LRP1B: variants seen among roughly 807,000 people sequenced by gnomAD.
LRP1B encodes low-density lipoprotein receptor-related protein 1B.
Under a neutral mutation model 556.6 loss-of-function variants are expected in LRP1B, and 217 were observed. The observed-to-expected ratio is 0.39, with a 90% confidence interval of 0.35 to 0.44. LRP1B has a LOEUF of 0.44. Among genes scored for constraint, LRP1B ranks in the 20% least tolerant of loss-of-function variants. The pLI, the probability that LRP1B is intolerant of heterozygous loss-of-function variation, is 1.00. For synonymous variants in LRP1B, 2,047 were observed against 1,865.8 expected, an observed-to-expected ratio of 1.10 and a Z score of -2.50; for missense variants, 5,053 against 5,620.8, an observed-to-expected ratio of 0.90 and a Z score of 3.23.
At chr2:141,232,322 C>G (rs1030739248) in intron 5 of LRP1B, among the ~76,000 whole-genome samples, 1 of 152,126 alleles carries the variant, frequency 6.6e-6, no homozygotes, top group Non-Finnish European at 1.5e-5. Flanking sequence ...AATGTCAGTC[C>G]TTAGTGTCTT....
intron 2 of LRP1B, among the ~76,000 whole-genome samples, chr2:141,574,373 G>A (rs1476058958): frequency 1.3e-5 from 2 of 152,042 alleles, no homozygotes; most frequent in East Asian, 3.9e-4. Context: ...ATGCAGAAAA[G>A]GCCTTTGATA....
Position 140,624,894 on chromosome 2 carries a change from G to T in LRP1B, c.6800-23255C>A, listed in dbSNP as rs143741371. 1.2e-4 allele frequency among the ~76,000 whole-genome samples: 18 copies of T among 152,248 alleles called. No individual in the cohort carries two copies. The East Asian group carries it at 3.5e-3, about 29-fold the overall frequency. Reference sequence around the variant, plus strand: ...ATCTGAAAGACAGAAGGGGCAAATTGCATATTCCTATGGAAGAACATTCTA... The same window carrying T: ...ATCTGAAAGACAGAAGGGGCAAATTTCATATTCCTATGGAAGAACATTCTA... On this transcript the variant is annotated intron_variant, in intron 41 of 90. Transcript: ENST00000389484.
chr2:141,600,480 A>G (rs1441997525), intron 2 of LRP1B, among the ~76,000 whole-genome samples: 2 of 152,068 alleles, frequency 1.3e-5, no homozygotes, highest in Non-Finnish European at 2.9e-5. Context: ...GGGGATGGTG[A>G]GTTGTGAGTG....
chr2:141,350,986 G>A (rs1321416656), intron 3 of LRP1B, among the ~76,000 whole-genome samples: 1 of 151,952 alleles, frequency 6.6e-6, no homozygotes, highest in Non-Finnish European at 1.5e-5. Context: ...ATAATGACAA[G>A]AATTTAAAAA....
At chr2:140,551,784 T>G (rs78665706) in intron 43 of LRP1B, among the ~76,000 whole-genome samples, 1 of 152,126 alleles carries the variant, frequency 6.6e-6, no homozygotes, top group Non-Finnish European at 1.5e-5. Context: ...TACAGCAGTA[T>G]GTACAAATGA....
intron 3 of LRP1B, among the ~76,000 whole-genome samples, chr2:141,411,255 C>T (rs1690841058): frequency 6.6e-6 from 1 of 152,020 alleles, no homozygotes; most frequent in African/African-American, 2.4e-5. Flanking sequence ...AATGAAGCCA[C>T]AGAAAACCTA....
rs546290075 is a variant in LRP1B, at chr2:141,134,940, C to T, written c.1013+53481G>A. Reference sequence around the variant, plus strand: ...AGGTATTTATATATATATATATTTGCCCCTGTAGTGGTTTCAGGGGTAAGA... The same window carrying T: ...AGGTATTTATATATATATATATTTGTCCCTGTAGTGGTTTCAGGGGTAAGA... On this transcript the variant is annotated intron_variant, in intron 7 of 90. Transcript: ENST00000389484. Among the ~76,000 whole-genome samples, 67 of 151,610 alleles carry T rather than the reference C, an allele frequency of 4.4e-4. No individual in the cohort carries two copies. The South Asian group carries it at 0.013, about 30-fold the overall frequency.
chr2:140,988,572 A>C (rs1408963121), intron 17 of LRP1B, among the ~76,000 whole-genome samples: 2 of 152,112 alleles, frequency 1.3e-5, no homozygotes, highest in Non-Finnish European at 1.5e-5. Context: ...AAAAAGCTCA[A>C]GGAAATCAAA....
chr2:141,738,659 A>C (rs1693583884), intron 2 of LRP1B, among the ~76,000 whole-genome samples: 1 of 152,140 alleles, frequency 6.6e-6, no homozygotes, highest in Non-Finnish European at 1.5e-5. Flanking sequence ...TTAAAGTTAG[A>C]TTTAATTAGA....
intron 33 of LRP1B, among the ~76,000 whole-genome samples, chr2:140,774,151 G>A (rs1208943094): frequency 6.6e-6 from 1 of 152,060 alleles, no homozygotes; most frequent in Non-Finnish European, 1.5e-5. Context: ...AAGCTTTTAC[G>A]CTACCTGCAG....
intron 7 of LRP1B, among the ~76,000 whole-genome samples, chr2:141,116,782 T>C (rs1183169287): frequency 6.6e-6 from 1 of 152,064 alleles, no homozygotes; most frequent in African/African-American, 2.4e-5. Flanking sequence ...ACAAAAACCA[T>C]TTTGTCCAAC....
chr2:141,956,786 T>C (rs1032328400), intron 1 of LRP1B, among the ~76,000 whole-genome samples: 3 of 152,066 alleles, frequency 2.0e-5, no homozygotes, highest in Non-Finnish European at 4.4e-5. Context: ...AGATAAATAT[T>C]GTCCAAAGAA....
intron 19 of LRP1B, among the ~76,000 whole-genome samples, chr2:140,950,718 T>G (rs1425321049): frequency 6.6e-6 from 1 of 152,026 alleles, no homozygotes; most frequent in South Asian, 2.1e-4. Context: ...TATCAAACTC[T>G]TGGCCTCAAG....
At chr2:140,692,656 C>T (rs1686286148) in intron 41 of LRP1B, among the ~76,000 whole-genome samples, 1 of 151,968 alleles carries the variant, frequency 6.6e-6, no homozygotes. Flanking sequence ...CCATATTTAT[C>T]TTCATCTCTG....
Position 140,503,113 on chromosome 2 carries a change from C to T in LRP1B, c.8522-10G>A, listed in dbSNP as rs2104896734. 6.2e-7 allele frequency: 1 copy of T among 1,611,474 alleles called. No homozygotes were observed. The highest frequency in any genetic ancestry group is 8.5e-7 in the Non-Finnish European group (1 of 1,178,362). On this transcript the variant is annotated splice_polypyrimidine_tract_variant and intron_variant, in intron 53 of 90. Coordinates refer to ENST00000389484, the MANE Select transcript of LRP1B (RefSeq NM_018557.3). ...CCACACTGTCGATATCCTAGAGACG[C>T]AGAAAAAACATTTGACTAATTCACA...
At chr2:141,173,663 G>A (rs907497499) in intron 7 of LRP1B, among the ~76,000 whole-genome samples, 1 of 152,058 alleles carries the variant, frequency 6.6e-6, no homozygotes, top group African/African-American at 2.4e-5. Context: ...CACTTGGTGT[G>A]GGTAGGAATC....
At chr2:141,221,242 G>C (rs931733423) in intron 6 of LRP1B, among the ~76,000 whole-genome samples, 3 of 149,156 alleles carry the variant, frequency 2.0e-5, no homozygotes, top group African/African-American at 7.4e-5. Flanking sequence ...AAAAAAGCAA[G>C]GGTTGCAATC....
At position 140,475,160 on chromosome 2, in the gene LRP1B, C is replaced by G. The variant is rs1485753780; in HGVS notation, c.9603G>C (p.Met3201Ile). 1 of 1,596,314 alleles carries G rather than the reference C, an allele frequency of 6.3e-7. No individual in the cohort carries two copies. Among genetic ancestry groups the G allele is most frequent in the Non-Finnish European group, 8.5e-7 (1 of 1,170,738 alleles). The change falls in exon 60 of 91, where the codon ATG becomes ATC. Residue 3201 changes from methionine (M) to isoleucine (I), a missense_variant. Physicochemically the swap from Met to Ile is conservative, Grantham distance 10. Around this residue, in one of 5 missense-constraint regions of LRP1B, gnomAD observed 262 missense variants for 395.1 expected, o/e 0.66. Coordinates refer to ENST00000389484, the MANE Select transcript of LRP1B (RefSeq NM_018557.3). ...AACCTTTGTGTCTATGAGATCCATC[C>G]ATGTTGCTAAATTCAATGTGATTTT... ...ADENHIEFSN[M>I]DGSHRHKVPN...
chr2:140,361,022 G>A (rs1573844530), intron 72 of LRP1B, among the ~76,000 whole-genome samples: 1 of 151,168 alleles, frequency 6.6e-6, no homozygotes, highest in Admixed American at 6.6e-5. Flanking sequence ...GCTCATCGAT[G>A]TAACTACCTT....
Sources: allele counts gnomAD v4.1 joint callset (sites outside exome capture counted in the v4.1 genomes callset), GRCh38; gene constraint gnomAD v4.1.1; regional missense constraint gnomAD v4.1.1; transcripts MANE v1.5; gene names NCBI Gene and HGNC (gene_info 2026-07-23, HGNC 2026-07-21).